The following CACNA1A variants were observed in gnomAD, a reference collection of about 807,000 sequenced individuals.
The protein encoded by CACNA1A is voltage-dependent P/Q-type calcium channel subunit alpha-1A.
In CACNA1A, 57 loss-of-function variants were observed where a neutral mutation model predicts 262.4. The observed-to-expected ratio is 0.22, with a 90% CI of 0.18 to 0.27. The LOEUF (loss-of-function observed/expected upper bound fraction) is 0.27. CACNA1A is among the 10% of genes least tolerant of loss of function. The probability of loss-of-function intolerance (pLI) is 1.00; values close to 1 mark genes in which losing one functional copy is unlikely to be tolerated. For missense variants in CACNA1A, 2,526 were observed against 3,562.8 expected, an observed-to-expected ratio of 0.71 and a Z score of 7.41; for synonymous variants, 1,431 against 1,419.3, an observed-to-expected ratio of 1.01 and a Z score of -0.18.
At chr19:13,253,981 C>T (rs184633647) in intron 29 of CACNA1A, among the ~76,000 whole-genome samples, 83 of 152,202 alleles carry the variant, frequency 5.5e-4, no homozygotes, top group African/African-American at 1.5e-3. Context: ...TCAAGTGATC[C>T]GCCTGCCTCG....
intron 19 of CACNA1A, among the ~76,000 whole-genome samples, chr19:13,293,023 G>A (rs970130988): frequency 2.6e-5 from 4 of 152,162 alleles, no homozygotes; most frequent in Non-Finnish European, 4.4e-5. Flanking sequence ...GGCTATGGGG[G>A]TGAAAGTGGG....
chr19:13,463,518 G>A (rs563872911), intron 1 of CACNA1A, among the ~76,000 whole-genome samples: 1 of 152,246 alleles, frequency 6.6e-6, no homozygotes, highest in Non-Finnish European at 1.5e-5. Context: ...CACGGCCAGC[G>A]GCAAAGAGGC....
intron 38 of CACNA1A, among the ~76,000 whole-genome samples, chr19:13,219,194 A>G (rs2055129932): frequency 6.8e-6 from 1 of 147,960 alleles, no homozygotes; most frequent in South Asian, 2.1e-4. Flanking sequence ...GGCGCCAGCC[A>G]CCACGCCTGG....
At chr19:13,283,462 A>G in intron 21 of CACNA1A, 66 bp from the exon 22 acceptor site, 1 of 1,598,850 alleles carries the variant, frequency 6.3e-7, no homozygotes, top group Non-Finnish European at 8.5e-7. Flanking sequence ...CTTTTCTTCC[A>G]TAATCTCATG....
In CACNA1A at chr19:13,371,615, C is replaced by T. The variant is rs1253115833; in HGVS notation, c.631+73G>A. The T allele has an allele frequency of 7.3e-6, 8 of 1,098,620 alleles. No individual in the cohort carries two copies. In the African/African-American group the frequency reaches 7.8e-5, roughly 11 times the overall value. The allele number at this position is 1,098,620 out of a possible 1,614,324, so 68.1% of individuals were successfully genotyped here. A position where few individuals can be genotyped will look rare whatever the true frequency, so the allele number is the denominator to read the frequency against. ...TGGCAGGATGTGGCCTCCTGAGATG[C>T]TCTGCATAGGGGAAACTGAGGGCTC... is the stretch of plus-strand genomic sequence containing the variant. On this transcript the variant is annotated intron_variant, in intron 4 of 46. Coordinates refer to ENST00000360228, the MANE Select transcript of CACNA1A (RefSeq NM_001127222.2).
Position 13,303,609 on chromosome 19 carries a change from G to T in CACNA1A, c.2109C>A (p.Thr703=). The change falls in exon 17 of 47, where the codon ACC becomes ACA. Residue 703 remains threonine, a synonymous_variant. Coordinates refer to ENST00000360228, the MANE Select transcript of CACNA1A (RefSeq NM_001127222.2). The part of the protein sequence containing the change: ...FIVLTLFGNY[T]LLNVFLAIAV... Reference sequence around the variant, plus strand: ...CGATGGCCAAGAACACATTCAGGAGGGTGTCTGCAAATGTCTGAGTCAGGA... The same window carrying T: ...CGATGGCCAAGAACACATTCAGGAGTGTGTCTGCAAATGTCTGAGTCAGGA... 1.9e-6 allele frequency: 3 copies of T among 1,611,692 alleles called. No individual in the cohort carries two copies. In the South Asian group the frequency reaches 3.3e-5, roughly 18 times the overall value.
At chr19:13,461,627 C>T (rs957708555) in intron 1 of CACNA1A, among the ~76,000 whole-genome samples, 1 of 152,142 alleles carries the variant, frequency 6.6e-6, no homozygotes, top group African/African-American at 2.4e-5. Context: ...GGGGGGCAGG[C>T]GAGGCTTTCT....
intron 1 of CACNA1A, among the ~76,000 whole-genome samples, chr19:13,464,543 A>AT (rs540418372): frequency 0.048 from 6,191 of 128,880 alleles, 608 homozygotes; most frequent in African/African-American, 0.16. Context: ...AACTTTTCCA[A>AT]TTTTTTTTTT....
In CACNA1A at chr19:13,208,060, G is replaced by A; in HGVS notation, c.6781-7C>T. On this transcript the variant is annotated splice_polypyrimidine_tract_variant and splice_region_variant and intron_variant, in intron 46 of 46. Transcript: ENST00000360228. ...CACTTACGGAACTACTGCCCTACAC[G>A]AAAATTGAAACAAAGGAAATCAAAA... 10 of 1,265,802 alleles carry A rather than the reference G, an allele frequency of 7.9e-6. No individual in the cohort carries two copies. Among genetic ancestry groups the A allele is most frequent in the South Asian group, 3.1e-5 (1 of 32,144 alleles). The allele number at this position is 1,265,802 out of a possible 1,614,324, so 78.4% of individuals were successfully genotyped here. A position where few individuals can be genotyped will look rare whatever the true frequency, so the allele number is the denominator to read the frequency against.
chr19:13,416,990 C>T (rs2060234227), intron 3 of CACNA1A, among the ~76,000 whole-genome samples: 2 of 152,188 alleles, frequency 1.3e-5, no homozygotes, highest in South Asian at 4.2e-4. Flanking sequence ...ATATTAATAT[C>T]CAAATACGTG....
At chr19:13,370,161 C>T (rs1259415480) in intron 4 of CACNA1A, among the ~76,000 whole-genome samples, 5 of 145,772 alleles carry the variant, frequency 3.4e-5, no homozygotes, top group East Asian at 4.2e-4. Flanking sequence ...AGTGCAGTGG[C>T]GTGATTTCAG....
At chr19:13,466,517 T>A (rs1327163767) in intron 1 of CACNA1A, among the ~76,000 whole-genome samples, 3 of 152,002 alleles carry the variant, frequency 2.0e-5, no homozygotes, top group Non-Finnish European at 4.4e-5. Context: ...ATTTTTGCAT[T>A]TTTAGTAGAG....
intron 1 of CACNA1A, among the ~76,000 whole-genome samples, chr19:13,483,329 C>A (rs936665346): frequency 6.6e-6 from 1 of 152,168 alleles, no homozygotes; most frequent in African/African-American, 2.4e-5. Flanking sequence ...CCTTAAGCTA[C>A]TGCAGACTTG....
chr19:13,503,560 C>T (rs1982640544), intron 1 of CACNA1A, among the ~76,000 whole-genome samples: 1 of 151,904 alleles, frequency 6.6e-6, no homozygotes, highest in Non-Finnish European at 1.5e-5. Context: ...TTTCTCTTTA[C>T]ACTGGCCTGA....
Position 13,359,686 on chromosome 19 carries a change from G to A in CACNA1A, c.898C>T (p.Gln300Ter). ...YWEGPNNGITQFDNILFAVLT... is the reference protein window; with the variant it reads ...YWEGPNNGIT ...ACTGCAAACAGGATGTTGTCGAACT[G>A]AGTGATCCCGTTGTTGGGCCCTTCC... The change falls in exon 6 of 47, where the codon CAG (glutamine) becomes TAG (stop). Residue 300 changes from glutamine to a stop codon, truncating the protein, a stop_gained. Transcript: ENST00000360228. LOFTEE classifies it high-confidence loss of function. 6.2e-7 allele frequency: 1 copy of A among 1,605,530 alleles called. No homozygotes were observed. The highest frequency in any genetic ancestry group is 1.7e-5 in the Admixed American group (1 of 58,736).
chr19:13,430,237 G>A (rs983698623), intron 3 of CACNA1A, among the ~76,000 whole-genome samples: 5 of 150,722 alleles, frequency 3.3e-5, no homozygotes, highest in Non-Finnish European at 2.9e-5. Context: ...ACAGAGTTTC[G>A]CTCTTGTGGC....
chr19:13,282,763 G>C (rs897406231), intron 22 of CACNA1A, among the ~76,000 whole-genome samples: 7 of 152,136 alleles, frequency 4.6e-5, no homozygotes, highest in Non-Finnish European at 7.3e-5. Flanking sequence ...GACACAGCAA[G>C]TGCTCAATTA....
At chr19:13,245,356 GC>G in intron 30 of CACNA1A, 91 bp from the exon 31 acceptor site, 2 of 955,434 alleles carry the variant, frequency 2.1e-6, no homozygotes, top group Non-Finnish European at 3.4e-6. Context: ...AGGCACAGTT[GC>G]CCATCAGCGG....
intron 6 of CACNA1A, among the ~76,000 whole-genome samples, chr19:13,348,919 A>G (rs2058846199): frequency 1.3e-5 from 2 of 150,328 alleles, no homozygotes; most frequent in African/African-American, 2.4e-5. Context: ...GAGGCACAAG[A>G]ATCGCTTGAA....
Sources: allele counts gnomAD v4.1 joint callset (sites outside exome capture counted in the v4.1 genomes callset), GRCh38; gene constraint gnomAD v4.1.1; transcripts MANE v1.5; gene names NCBI Gene and HGNC (gene_info 2026-07-23, HGNC 2026-07-21).